The following SKAP1 variants were observed in gnomAD, a reference collection of about 807,000 sequenced individuals.
The protein encoded by SKAP1 is src kinase associated phosphoprotein 1, also known as src kinase-associated phosphoprotein 1.
In SKAP1, 44 loss-of-function variants were observed where a neutral mutation model predicts 58.5. That is an observed-to-expected ratio of 0.75 (90% confidence interval 0.59 to 0.97). The LOEUF (loss-of-function observed/expected upper bound fraction) is 0.97. SKAP1 is among the 50% of genes least tolerant of loss of function. SKAP1 has a pLI of 0.00. For missense variants in SKAP1, 390 were observed against 435.2 expected (o/e 0.90, Z 0.92); for synonymous variants, 127 against 149.7 (o/e 0.85, Z 1.11).
At chr17:48,271,584 A>C (rs1450418016) in intron 4 of SKAP1, among the ~76,000 whole-genome samples, 2 of 151,774 alleles carry the variant, frequency 1.3e-5, no homozygotes, top group African/African-American at 4.8e-5. Flanking sequence ...TTGATCCTGA[A>C]CTACTGGCCT....
chr17:48,423,969 A>T (rs536332999), intron 1 of SKAP1, among the ~76,000 whole-genome samples: 1 of 152,260 alleles, frequency 6.6e-6, no homozygotes, highest in East Asian at 1.9e-4. Flanking sequence ...TGGAATAAAA[A>T]TAGGGTATAT....
chr17:48,411,439 G>A (rs2067664678), intron 1 of SKAP1, among the ~76,000 whole-genome samples: 1 of 136,700 alleles, frequency 7.3e-6, no homozygotes, highest in South Asian at 2.4e-4. Flanking sequence ...ATAAATAAAT[G>A]GGAGACAAGA....
intron 4 of SKAP1, among the ~76,000 whole-genome samples, chr17:48,317,298 A>C (rs934273666): frequency 2.0e-5 from 3 of 152,262 alleles, no homozygotes; most frequent in Admixed American, 6.5e-5. Flanking sequence ...TAAAATAAAG[A>C]CTAAACTTAA....
chr17:48,157,270 C>T (rs1019947922), intron 11 of SKAP1, among the ~76,000 whole-genome samples: 2 of 149,760 alleles, frequency 1.3e-5, no homozygotes, highest in African/African-American at 4.9e-5. Context: ...GAGTCTCGCT[C>T]TGTTGCCCAA....
chr17:48,257,860 G>C, intron 4 of SKAP1, among the ~76,000 whole-genome samples: 1 of 152,006 alleles, frequency 6.6e-6, no homozygotes, highest in East Asian at 1.9e-4. Flanking sequence ...GAAGCTGATA[G>C]TTGGAGCCTC....
At chr17:48,205,013 C>T (rs149054919) in intron 4 of SKAP1, among the ~76,000 whole-genome samples, 2 of 75,980 alleles carry the variant, frequency 2.6e-5, no homozygotes, top group East Asian at 1.1e-3. Flanking sequence ...TTCTTTCTTT[C>T]TTTTTCTTTC....
At chr17:48,134,678 A>G (rs2063676864) in intron 12 of SKAP1, among the ~76,000 whole-genome samples, 2 of 152,108 alleles carry the variant, frequency 1.3e-5, no homozygotes, top group Admixed American at 1.3e-4. Context: ...CAAATAAATG[A>G]CAGAGTGAAA....
intron 1 of SKAP1, among the ~76,000 whole-genome samples, chr17:48,399,592 C>A (rs1232659777): frequency 6.6e-6 from 1 of 152,012 alleles, no homozygotes; most frequent in Non-Finnish European, 1.5e-5. Context: ...GAGATTCCAT[C>A]TCTACAAAAG....
intron 9 of SKAP1, among the ~76,000 whole-genome samples, chr17:48,171,043 T>C: frequency 6.6e-6 from 1 of 151,468 alleles, no homozygotes; most frequent in East Asian, 1.9e-4. Context: ...AAGGTCCCCT[T>C]TCTCTGAGCT....
chr17:48,243,783 C>T (rs532440135), intron 4 of SKAP1, among the ~76,000 whole-genome samples: 1 of 152,242 alleles, frequency 6.6e-6, no homozygotes, highest in Admixed American at 6.5e-5. Context: ...ATTTTTGGCA[C>T]TTTAAAAATG....
At chr17:48,409,523 G>T (rs755195599) in intron 1 of SKAP1, among the ~76,000 whole-genome samples, 3 of 152,084 alleles carry the variant, frequency 2.0e-5, no homozygotes, top group Admixed American at 2.0e-4. Flanking sequence ...AAAAGAATTA[G>T]CTGGGCATGG....
chr17:48,422,966 T>C (rs975016045), intron 1 of SKAP1, among the ~76,000 whole-genome samples: 4 of 152,144 alleles, frequency 2.6e-5, no homozygotes, highest in Non-Finnish European at 5.9e-5. Flanking sequence ...GTCCAATATA[T>C]GTATGCTATA....
chr17:48,352,151 C>A (rs927198911), intron 3 of SKAP1, among the ~76,000 whole-genome samples: 3 of 150,478 alleles, frequency 2.0e-5, no homozygotes, highest in African/African-American at 4.9e-5. Context: ...GGATTTTTAA[C>A]CCTTCTTAGG....
chr17:48,302,852 G>A (rs896527067), intron 4 of SKAP1, among the ~76,000 whole-genome samples: 2 of 152,194 alleles, frequency 1.3e-5, no homozygotes, highest in Non-Finnish European at 2.9e-5. Context: ...CCAGAATCCA[G>A]TGAGGGATAG....
intron 11 of SKAP1, among the ~76,000 whole-genome samples, chr17:48,144,091 ACT>A (rs1567790636): frequency 1.3e-5 from 2 of 152,058 alleles, no homozygotes; most frequent in African/African-American, 2.4e-5. Context: ...AGTGAAATCA[ACT>A]CTCTGCCCTT....
intron 2 of SKAP1, among the ~76,000 whole-genome samples, chr17:48,396,168 G>A (rs770989147): frequency 6.6e-5 from 10 of 152,098 alleles, no homozygotes; most frequent in Non-Finnish European, 1.5e-4. Context: ...ATTACATCAG[G>A]GCCTCTTATT....
intron 4 of SKAP1, among the ~76,000 whole-genome samples, chr17:48,210,620 C>A (rs1020654760): frequency 2.6e-5 from 4 of 152,164 alleles, no homozygotes; most frequent in African/African-American, 9.7e-5. Flanking sequence ...ACAACTTGTA[C>A]TCACAGCAAT....
chr17:48,423,090 C>T (rs1567908829), intron 1 of SKAP1, among the ~76,000 whole-genome samples: 3 of 152,096 alleles, frequency 2.0e-5, no homozygotes, highest in African/African-American at 7.2e-5. Context: ...ACATACCAGG[C>T]AAAATTATTA....
intron 4 of SKAP1, among the ~76,000 whole-genome samples, chr17:48,234,819 G>T (rs187919285): frequency 1.3e-5 from 2 of 152,186 alleles, no homozygotes; most frequent in Admixed American, 6.5e-5. Flanking sequence ...GAATAAAGGA[G>T]ATTTATGGTG....
Sources: allele counts gnomAD v4.1 joint callset (sites outside exome capture counted in the v4.1 genomes callset), GRCh38; gene constraint gnomAD v4.1.1; transcripts MANE v1.5; gene names NCBI Gene and HGNC (gene_info 2026-07-23, HGNC 2026-07-21).